Variants in NKAIN2 observed in about 807,000 individuals in gnomAD.
NKAIN2 encodes sodium/potassium transporting ATPase interacting 2.
In NKAIN2, 14 loss-of-function variants were observed where a neutral mutation model predicts 32.6. The observed-to-expected ratio is 0.43, with a 90% CI of 0.28 to 0.67. The LOEUF (loss-of-function observed/expected upper bound fraction) is 0.67. Ranked by LOEUF, NKAIN2 falls within the 30% of genes least tolerant of loss-of-function variation. The pLI, the probability that NKAIN2 is intolerant of heterozygous loss-of-function variation, is 0.17. For missense variants in NKAIN2, 198 were observed against 258.3 expected (o/e 0.77, Z 1.60); for synonymous variants, 80 against 87.2 (o/e 0.92, Z 0.46).
intron 3 of NKAIN2, among the ~76,000 whole-genome samples, chr6:124,548,299 G>A (rs895170546): frequency 6.6e-6 from 1 of 152,052 alleles, no homozygotes; most frequent in African/African-American, 2.4e-5. Flanking sequence ...ATATTAGCTA[G>A]GAAAATGTTT....
At chr6:124,339,692 C>T (rs1310611228) in intron 2 of NKAIN2, among the ~76,000 whole-genome samples, 1 of 152,160 alleles carries the variant, frequency 6.6e-6, no homozygotes, top group South Asian at 2.1e-4. Context: ...AAATCTTTAA[C>T]TTAATTACAT....
At chr6:124,196,365 G>A (rs1406401773) in intron 1 of NKAIN2, among the ~76,000 whole-genome samples, 3 of 152,024 alleles carry the variant, frequency 2.0e-5, no homozygotes, top group Non-Finnish European at 4.4e-5. Flanking sequence ...TAACTCTACA[G>A]ACAAGAAGGT....
intron 1 of NKAIN2, among the ~76,000 whole-genome samples, chr6:124,009,676 G>A (rs1347989596): frequency 6.6e-6 from 1 of 152,074 alleles, no homozygotes; most frequent in Non-Finnish European, 1.5e-5. Context: ...GTCACTTTAT[G>A]TGCAGACTTT....
intron 3 of NKAIN2, among the ~76,000 whole-genome samples, chr6:124,455,235 A>G (rs982668944): frequency 6.6e-6 from 1 of 152,078 alleles, no homozygotes; most frequent in Non-Finnish European, 1.5e-5. Flanking sequence ...TTGTCTAGAA[A>G]TAGTCACTAT....
intron 3 of NKAIN2, among the ~76,000 whole-genome samples, chr6:124,357,999 C>A (rs1432780126): frequency 2.0e-5 from 3 of 152,132 alleles, no homozygotes; most frequent in Non-Finnish European, 4.4e-5. Flanking sequence ...TTGTTCAATT[C>A]CCGTCTATGA....
chr6:124,158,817 C>T (rs964168773), intron 1 of NKAIN2, among the ~76,000 whole-genome samples: 11 of 151,966 alleles, frequency 7.2e-5, no homozygotes, highest in African/African-American at 2.7e-4. Context: ...GTAGATCTAG[C>T]CCATCAGATA....
At position 123,905,912 on chromosome 6, in the gene NKAIN2, G is replaced by A. The variant is rs117227683; in HGVS notation, c.54+101658G>A. Among the ~76,000 whole-genome samples the A allele has an allele frequency of 4.3e-4, 66 of 152,262 alleles. 2 individuals carry two copies. The East Asian group carries it at 0.012, about 28-fold the overall frequency. ...AAAATATGTATTTTGACATAATAGTGTTAGTTTAGTGTGTATGTCATATAT... is the reference window on the plus strand; with the variant it reads ...AAAATATGTATTTTGACATAATAGTATTAGTTTAGTGTGTATGTCATATAT... On this transcript the variant is annotated intron_variant, in intron 1 of 6. Transcript: ENST00000368417.
intron 1 of NKAIN2, among the ~76,000 whole-genome samples, chr6:124,194,829 C>T (rs927788537): frequency 6.6e-6 from 1 of 152,038 alleles, no homozygotes; most frequent in Non-Finnish European, 1.5e-5. Context: ...GCTGTCATGC[C>T]ATGGACTGGA....
At chr6:124,741,538 C>T (rs1777211694) in intron 4 of NKAIN2, among the ~76,000 whole-genome samples, 1 of 151,762 alleles carries the variant, frequency 6.6e-6, no homozygotes, top group Non-Finnish European at 1.5e-5. Flanking sequence ...AATATGAGGG[C>T]CCTCAGATAG....
At chr6:124,028,875 GTATA>G (rs1204342995) in intron 1 of NKAIN2, among the ~76,000 whole-genome samples, 2 of 37,180 alleles carry the variant, frequency 5.4e-5, no homozygotes, top group African/African-American at 1.5e-4. Flanking sequence ...ACACATATAT[GTATA>G]TATATGTGTA....
chr6:124,712,286 G>C lies in NKAIN2; in HGVS notation c.474+53900G>C, dbSNP rs1775525091. On this transcript the variant is annotated intron_variant, in intron 4 of 6. Coordinates refer to ENST00000368417, the MANE Select transcript of NKAIN2 (RefSeq NM_001040214.3). The stretch of plus-strand genomic sequence containing the variant: ...CTGTCTTTTTGTTTGTCTGTGCCCT[G>C]CCCCCAGAGGTGGAGCCTACAGAGG... 1.6e-5 allele frequency among the ~76,000 whole-genome samples: 2 copies of C among 127,728 alleles called. 1 individual carries two copies. Among genetic ancestry groups the C allele is most frequent in the South Asian group, 5.0e-4 (2 of 4,034 alleles). The allele number at this position is 127,728 out of a possible 152,430, so 83.8% of individuals were successfully genotyped here.
At chr6:124,576,969 T>A (rs2114931018) in intron 3 of NKAIN2, among the ~76,000 whole-genome samples, 1 of 152,288 alleles carries the variant, frequency 6.6e-6, no homozygotes, top group East Asian at 1.9e-4. Context: ...AAATGATACA[T>A]TGGGATTTGT....
intron 4 of NKAIN2, among the ~76,000 whole-genome samples, chr6:124,736,271 A>G (rs1776935176): frequency 6.6e-6 from 1 of 151,934 alleles, no homozygotes; most frequent in African/African-American, 2.4e-5. Context: ...AAAACTGGAA[A>G]CCAGCAGAAG....
intron 1 of NKAIN2, among the ~76,000 whole-genome samples, chr6:123,861,661 A>G (rs920599196): frequency 1.3e-5 from 2 of 152,318 alleles, no homozygotes; most frequent in Non-Finnish European, 2.9e-5. Flanking sequence ...ATGCCAATTA[A>G]TCATGTAGTT....
intron 1 of NKAIN2, among the ~76,000 whole-genome samples, chr6:123,916,569 A>G (rs1775506347): frequency 6.6e-6 from 1 of 152,112 alleles, no homozygotes. Flanking sequence ...TACCTCCAGT[A>G]TACTTTGGAG....
chr6:123,805,538 G>A (rs1773179572), intron 1 of NKAIN2, among the ~76,000 whole-genome samples: 2 of 152,158 alleles, frequency 1.3e-5, no homozygotes, highest in South Asian at 4.1e-4. Flanking sequence ...GCACTTGGTT[G>A]TAAGACAAAG....
intron 1 of NKAIN2, among the ~76,000 whole-genome samples, chr6:124,200,905 G>A (rs1057098939): frequency 2.0e-5 from 3 of 152,064 alleles, no homozygotes; most frequent in African/African-American, 7.2e-5. Flanking sequence ...ATTAACCAGT[G>A]TAGAACACAG....
intron 5 of NKAIN2, among the ~76,000 whole-genome samples, chr6:124,810,158 ATGC>A (rs1283188772): frequency 5.3e-5 from 8 of 152,134 alleles, no homozygotes. Context: ...ACTATAAATC[ATGC>A]TGCTATAAAG....
chr6:123,833,364 G>T (rs1304787715), intron 1 of NKAIN2, among the ~76,000 whole-genome samples: 1 of 152,004 alleles, frequency 6.6e-6, no homozygotes, highest in African/African-American at 2.4e-5. Flanking sequence ...ACTGAAGCTG[G>T]GTGGTGTCAG....
Sources: gnomAD v4.1 joint callset for allele counts (sites outside exome capture counted in the v4.1 genomes callset) on GRCh38, gnomAD v4.1.1 for gene constraint, MANE v1.5 for transcripts, NCBI Gene and HGNC (gene_info 2026-07-23, HGNC 2026-07-21) for gene names.